The following STIM1 variants were observed in gnomAD, a reference collection of about 807,000 sequenced individuals.
STIM1 encodes stromal interaction molecule 1.
In STIM1, 25 loss-of-function variants were observed where a neutral mutation model predicts 74.7. The ratio of observed to expected loss-of-function variants is 0.33; its 90% CI spans 0.24 to 0.47. The LOEUF (loss-of-function observed/expected upper bound fraction) is 0.47, where lower values mean the gene tolerates loss of function less well. Among genes scored for constraint, STIM1 ranks in the 20% least tolerant of loss-of-function variants. The probability of loss-of-function intolerance (pLI) is 1.00; values close to 1 mark genes in which losing one functional copy is unlikely to be tolerated. For synonymous variants in STIM1, 328 were observed against 348.8 expected, an observed-to-expected ratio of 0.94 and a Z score of 0.66; for missense variants, 728 against 920.8, an observed-to-expected ratio of 0.79 and a Z score of 2.71.
intron 1 of STIM1, among the ~76,000 whole-genome samples, chr11:3,897,112 A>G (rs1299334106): frequency 3.3e-5 from 5 of 152,180 alleles, no homozygotes; most frequent in Non-Finnish European, 7.3e-5. Context: ...AGTGATTTCA[A>G]AATATTTCTT....
chr11:4,068,161 C>T (rs1370158351), intron 5 of STIM1, among the ~76,000 whole-genome samples: 2 of 152,182 alleles, frequency 1.3e-5, no homozygotes, highest in Non-Finnish European at 2.9e-5. Context: ...AGATCTTATC[C>T]TTGGCCTTGG....
At chr11:3,995,186 C>T (rs1338422381) in intron 2 of STIM1, among the ~76,000 whole-genome samples, 2 of 151,532 alleles carry the variant, frequency 1.3e-5, no homozygotes, top group Non-Finnish European at 2.9e-5. Context: ...TTTCTGTTGC[C>T]TACTTTTTTT....
intron 2 of STIM1, among the ~76,000 whole-genome samples, chr11:3,995,278 T>C (rs1215722425): frequency 2.0e-5 from 3 of 152,204 alleles, no homozygotes; most frequent in African/African-American, 7.2e-5. Flanking sequence ...GATAATATAT[T>C]GTAGCAACTT....
chr11:4,080,007 C>T (rs908920326), intron 7 of STIM1, among the ~76,000 whole-genome samples: 1 of 151,900 alleles, frequency 6.6e-6, no homozygotes, highest in African/African-American at 2.4e-5. Flanking sequence ...TCGCTTGAGC[C>T]CAGGAGTTTG....
At chr11:3,888,799 G>A (rs750068828) in intron 1 of STIM1, among the ~76,000 whole-genome samples, 8 of 152,090 alleles carry the variant, frequency 5.3e-5, no homozygotes, top group African/African-American at 1.4e-4. Context: ...TGATCCGCCC[G>A]TGTCGGCTTC....
chr11:4,028,027 T>C (rs1177548629), intron 3 of STIM1, among the ~76,000 whole-genome samples: 7 of 152,244 alleles, frequency 4.6e-5, no homozygotes, highest in African/African-American at 1.7e-4. Flanking sequence ...GCATCGTTAC[T>C]GTTTCTCTTC....
chr11:3,929,627 C>A (rs920118497), intron 1 of STIM1, among the ~76,000 whole-genome samples: 1 of 152,168 alleles, frequency 6.6e-6, no homozygotes. Context: ...CTGGCCTAGT[C>A]TTCTTGAGTT....
intron 10 of STIM1, 68 bp downstream of exon 10, chr11:4,083,566 C>T: frequency 3.4e-6 from 5 of 1,478,684 alleles, no homozygotes; most frequent in Non-Finnish European, 4.6e-6. Flanking sequence ...TCTGTGGCCT[C>T]TGTTGTGCTT....
intron 3 of STIM1, among the ~76,000 whole-genome samples, chr11:4,036,339 T>C (rs938608068): frequency 1.3e-5 from 2 of 152,224 alleles, no homozygotes; most frequent in African/African-American, 4.8e-5. Context: ...ATCTTTATAA[T>C]AGAATGGTTT....
intron 3 of STIM1, among the ~76,000 whole-genome samples, chr11:4,033,840 C>A (rs2094074904): frequency 6.6e-6 from 1 of 151,834 alleles, no homozygotes; most frequent in Admixed American, 6.6e-5. Context: ...ACCTCGTGAT[C>A]TGCCCGCCTC....
At chr11:4,080,779 G>C (rs1028532856) in intron 7 of STIM1, among the ~76,000 whole-genome samples, 1 of 152,106 alleles carries the variant, frequency 6.6e-6, no homozygotes, top group African/African-American at 2.4e-5. Flanking sequence ...AACAGTTTTT[G>C]AGCCTTGTAG....
chr11:3,966,990 T>C (rs1172863835), intron 1 of STIM1, among the ~76,000 whole-genome samples: 2 of 152,242 alleles, frequency 1.3e-5, no homozygotes. Flanking sequence ...TAACTGTCTA[T>C]GAGAAGGCAT....
intron 1 of STIM1, among the ~76,000 whole-genome samples, chr11:3,927,332 T>G (rs1418892426): frequency 6.6e-6 from 1 of 152,212 alleles, no homozygotes; most frequent in Non-Finnish European, 1.5e-5. Flanking sequence ...ATTTTCTACC[T>G]CTGGATGGCA....
intron 2 of STIM1, among the ~76,000 whole-genome samples, chr11:4,020,003 A>G (rs2093941081): frequency 6.6e-6 from 1 of 152,050 alleles, no homozygotes; most frequent in African/African-American, 2.4e-5. Flanking sequence ...CTTCTATGAG[A>G]TCAGCTTTTT....
intron 1 of STIM1, among the ~76,000 whole-genome samples, chr11:3,950,334 A>G (rs1014153689): frequency 1.3e-5 from 2 of 151,962 alleles, no homozygotes; most frequent in African/African-American, 4.8e-5. Context: ...GGGTTTCACC[A>G]TGTTGGTCAG....
chr11:4,086,342 G>A, intron 11 of STIM1, 135 bp from the exon 12 acceptor site: 1 of 965,932 alleles, frequency 1.0e-6, no homozygotes, highest in Non-Finnish European at 1.5e-6. Context: ...GTTTCTGGGA[G>A]GAGGTGCCCC....
intron 2 of STIM1, among the ~76,000 whole-genome samples, chr11:3,998,108 CACAG>C (rs1453548302): frequency 6.6e-6 from 1 of 152,176 alleles, no homozygotes. Context: ...TACACACACA[CACAG>C]ACAGGAGAGC....
intron 4 of STIM1, chr11:4,059,074 G>T (rs2094311966): frequency 1.2e-6 from 1 of 802,860 alleles, no homozygotes; most frequent in Non-Finnish European, 1.9e-6. Flanking sequence ...TGGATATGGG[G>T]AGAGGGCTGA....
chr11:4,083,135 T>C, intron 9 of STIM1, 128 bp from the exon 10 acceptor site: 1 of 1,226,460 alleles, frequency 8.2e-7, no homozygotes, highest in Non-Finnish European at 1.2e-6. Context: ...TGCCTTGCTC[T>C]TAAGTTTGAG....
Sources: gnomAD v4.1 joint callset for allele counts (sites outside exome capture counted in the v4.1 genomes callset) on GRCh38, gnomAD v4.1.1 for gene constraint, MANE v1.5 for transcripts, NCBI Gene and HGNC (gene_info 2026-07-23, HGNC 2026-07-21) for gene names.